The following UBE2R2 variants were observed in gnomAD, a reference collection of about 807,000 sequenced individuals.
UBE2R2 encodes ubiquitin-conjugating enzyme E2 R2.
A neutral mutation model predicts 27.8 loss-of-function variants in UBE2R2; 1 was observed. The observed-to-expected ratio is 0.04, with a 90% CI of 0.01 to 0.17. UBE2R2 has a LOEUF of 0.17. Ranked by LOEUF, UBE2R2 falls within the 10% of genes least tolerant of loss-of-function variation. The pLI, the probability that UBE2R2 is intolerant of heterozygous loss-of-function variation, is 1.00. For missense variants in UBE2R2, 100 were observed against 291.0 expected (o/e 0.34, Z 4.78); for synonymous variants, 106 against 113.3 (o/e 0.94, Z 0.41).
At chr9:33,862,008 CA>C (rs1411559768) in intron 1 of UBE2R2, among the ~76,000 whole-genome samples, 3 of 151,922 alleles carry the variant, frequency 2.0e-5, no homozygotes, top group Non-Finnish European at 4.4e-5. Flanking sequence ...CGCCTGCCAC[CA>C]TGCCTGACTA....
intron 1 of UBE2R2, among the ~76,000 whole-genome samples, chr9:33,837,398 T>G (rs1019154752): frequency 3.3e-5 from 5 of 150,018 alleles, no homozygotes; most frequent in South Asian, 2.1e-4. Context: ...CCTCTTATTT[T>G]CAGTTTAGGC....
In UBE2R2 at chr9:33,919,631, T is replaced by A. The variant is rs963181260; in HGVS notation, c.*2394T>A. 6.6e-6 allele frequency: 1 copy of A among 152,188 alleles called. No individual in the cohort carries two copies. The highest frequency in any genetic ancestry group is 6.5e-5 in the Admixed American group (1 of 15,282). 9.4% of individuals were successfully genotyped at this position (152,188 alleles called of 1,614,324 possible). A position where few individuals can be genotyped will look rare whatever the true frequency, so the allele number is the denominator to read the frequency against. ...AAGTCTCTTGCTAGCAGGTGGACAT[T>A]CTGGTATTTTAGACTGACTGAACGA... On this transcript the variant is annotated 3_prime_UTR_variant, in exon 5 of 5. Transcript: ENST00000263228.
intron 1 of UBE2R2, among the ~76,000 whole-genome samples, chr9:33,824,774 G>A (rs1820272770): frequency 1.4e-5 from 2 of 147,286 alleles, no homozygotes; most frequent in Non-Finnish European, 1.5e-5. Flanking sequence ...GTGTACTCCA[G>A]CCTGGGCAAC....
chr9:33,848,824 G>C (rs1224853125), intron 1 of UBE2R2, among the ~76,000 whole-genome samples: 2 of 151,572 alleles, frequency 1.3e-5, no homozygotes, highest in Admixed American at 6.6e-5. Flanking sequence ...GGCTGGTCTC[G>C]AGCTCTTGAC....
intron 1 of UBE2R2, among the ~76,000 whole-genome samples, chr9:33,880,018 T>A (rs575298869): frequency 3.3e-5 from 5 of 151,722 alleles, no homozygotes; most frequent in Non-Finnish European, 5.9e-5. Flanking sequence ...CCCAAGTAGC[T>A]GGGACCTCAG....
chr9:33,836,049 T>C (rs1423718913), intron 1 of UBE2R2, among the ~76,000 whole-genome samples: 2 of 152,352 alleles, frequency 1.3e-5, no homozygotes, highest in South Asian at 2.1e-4. Flanking sequence ...ACGCCTGTTA[T>C]CCCAGCACTT....
chr9:33,868,691 C>G (rs59966402), intron 1 of UBE2R2: 5 of 152,076 alleles, frequency 3.3e-5, no homozygotes, highest in Non-Finnish European at 7.4e-5. Context: ...ACCCTCCCCC[C>G]AAAAAATATG....
chr9:33,817,619 T>A lies in UBE2R2; in HGVS notation c.-139T>A. 1 of 1,042,514 alleles carries A rather than the reference T, an allele frequency of 9.6e-7. No individual in the cohort carries two copies. Among genetic ancestry groups the A allele is most frequent in the Non-Finnish European group, 1.2e-6 (1 of 854,946 alleles). The allele number at this position is 1,042,514 out of a possible 1,614,324, so 64.6% of individuals were successfully genotyped here. On this transcript the variant is annotated 5_prime_UTR_variant, in exon 1 of 5. Coordinates refer to ENST00000263228, the MANE Select transcript of UBE2R2 (RefSeq NM_017811.4). ...CCCACGGGCCGTGTGGGGCCTGGTC[T>A]GGCCCGCCGGGTGTGTGAAGACCGG...
intron 1 of UBE2R2, among the ~76,000 whole-genome samples, chr9:33,841,797 C>T (rs1375280669): frequency 6.6e-6 from 1 of 152,014 alleles, no homozygotes; most frequent in Non-Finnish European, 1.5e-5. Context: ...TTATTAATTA[C>T]TCGCTTGTTT....
intron 1 of UBE2R2, among the ~76,000 whole-genome samples, chr9:33,858,352 A>AT (rs1250159563): frequency 6.6e-6 from 1 of 152,106 alleles, no homozygotes; most frequent in Non-Finnish European, 1.5e-5. Context: ...GTAGAGAACA[A>AT]TAAGTGTATT....
At position 33,903,744 on chromosome 9, in the gene UBE2R2, T is replaced by G. The variant is rs574715423; in HGVS notation, c.362+3473T>G. Among the ~76,000 whole-genome samples the G allele has an allele frequency of 5.7e-4, 87 of 152,302 alleles. 2 individuals carry two copies. The South Asian group carries it at 0.018, about 32-fold the overall frequency. On this transcript the variant is annotated intron_variant, in intron 3 of 4. Coordinates refer to ENST00000263228, the MANE Select transcript of UBE2R2 (RefSeq NM_017811.4). Reference sequence around the variant, plus strand: ...CTTTGGGTACTAGCATCATTTTGTTTCCTCACACTTGAGTCCCCAGGCCAC... The same window carrying G: ...CTTTGGGTACTAGCATCATTTTGTTGCCTCACACTTGAGTCCCCAGGCCAC...
intron 1 of UBE2R2, among the ~76,000 whole-genome samples, chr9:33,877,386 GTT>G (rs1308471329): frequency 2.0e-5 from 3 of 151,916 alleles, no homozygotes; most frequent in African/African-American, 7.2e-5. Context: ...GTTACTCCTT[GTT>G]AGCCAGGATG....
At chr9:33,835,754 G>A (rs574785525) in intron 1 of UBE2R2, among the ~76,000 whole-genome samples, 2 of 151,344 alleles carry the variant, frequency 1.3e-5, no homozygotes, top group South Asian at 2.1e-4. Flanking sequence ...CTGGTGGCAC[G>A]CACCTGTAGT....
At chr9:33,895,974 T>C (rs1005378668) in intron 2 of UBE2R2, among the ~76,000 whole-genome samples, 5 of 151,964 alleles carry the variant, frequency 3.3e-5, no homozygotes, top group African/African-American at 1.2e-4. Context: ...GGTTTCACCA[T>C]GTTGGCCAGG....
chr9:33,878,980 C>G (rs1366156940), intron 1 of UBE2R2, among the ~76,000 whole-genome samples: 2 of 152,242 alleles, frequency 1.3e-5, no homozygotes, highest in East Asian at 3.9e-4. Context: ...ATTAGGACTA[C>G]ACAGAGTACC....
chr9:33,856,092 C>G (rs913491324), intron 1 of UBE2R2, among the ~76,000 whole-genome samples: 4 of 152,144 alleles, frequency 2.6e-5, no homozygotes, highest in African/African-American at 9.7e-5. Flanking sequence ...GGCTCTTACC[C>G]TGTCCTGGTT....
intron 1 of UBE2R2, among the ~76,000 whole-genome samples, chr9:33,863,155 TC>T (rs1821281725): frequency 7.5e-6 from 1 of 133,504 alleles, no homozygotes; most frequent in African/African-American, 2.9e-5. Context: ...GCCACTGCAC[TC>T]CTGCAGCCTG....
intron 1 of UBE2R2, among the ~76,000 whole-genome samples, chr9:33,862,364 C>T (rs913441463): frequency 2.6e-5 from 4 of 152,148 alleles, no homozygotes; most frequent in Admixed American, 2.6e-4. Flanking sequence ...GTTATGTTAG[C>T]CGCCTGCCCA....
Position 33,817,726 on chromosome 9 carries a change from GGCCCGGCGCCGCCGCCGCCGCCGCC to G in UBE2R2, c.-28_-4del. ...GCCGGTGCGTGAGGACTGGGGCCCG[GGCCCGGCGCCGCCGCCGCCGCCGCC>G]GCCGCGATGGCCCAGCAGCAGATGA... is the stretch of plus-strand genomic sequence containing the variant. On this transcript the variant is annotated 5_prime_UTR_variant, in exon 1 of 5. Transcript: ENST00000263228. The G allele has an allele frequency of 6.7e-7, 1 of 1,486,164 alleles. No homozygotes were observed. Among genetic ancestry groups the G allele is most frequent in the Non-Finnish European group, 9.0e-7 (1 of 1,116,054 alleles). 92.1% of individuals were successfully genotyped at this position (1,486,164 alleles called of 1,614,324 possible).
Sources: allele counts gnomAD v4.1 joint callset (sites outside exome capture counted in the v4.1 genomes callset), GRCh38; gene constraint gnomAD v4.1.1; transcripts MANE v1.5; gene names NCBI Gene and HGNC (gene_info 2026-07-23, HGNC 2026-07-21).